PKP1: variants seen among roughly 807,000 people sequenced by gnomAD.
PKP1 encodes plakophilin 1, also known as plakophilin-1.
PKP1 carries 27 observed loss-of-function variants against 76.4 expected under a neutral mutation model. The ratio of observed to expected loss-of-function variants is 0.35; its 90% CI spans 0.26 to 0.49. PKP1 has a LOEUF of 0.49. Among genes scored for constraint, PKP1 ranks in the 20% least tolerant of loss-of-function variants. The pLI, the probability that PKP1 is intolerant of heterozygous loss-of-function variation, is 0.99. For synonymous variants in PKP1, 404 were observed against 384.2 expected (o/e 1.05, Z -0.60); for missense variants, 964 against 955.2 (o/e 1.01, Z -0.12).
Position 201,322,423 on chromosome 1 carries a change from G to A in PKP1, c.1503+290G>A, listed in dbSNP as rs1772833. On this transcript the variant is annotated intron_variant, in intron 8 of 13. Coordinates refer to ENST00000367324, the MANE Select transcript of PKP1 (RefSeq NM_001005337.3). ...AGGCCTTGGTCTTTCTTCCTGTATA[G>A]TGGGTCAAGTCTCCCCCATCTTCTC... Among the ~76,000 whole-genome samples the A allele has an allele frequency of 0.95, 144,195 of 152,240 alleles. 68,756 individuals are homozygous for A. The highest frequency in any genetic ancestry group is 1 in the East Asian group (5,162 of 5,162).
chr1:201,322,198 A>G, intron 8 of PKP1, 65 bp downstream of exon 8: 1 of 1,561,024 alleles, frequency 6.4e-7, no homozygotes, highest in African/African-American at 1.3e-5. Context: ...CCACTGCCTC[A>G]TCTGCCCTTT....
intron 12 of PKP1, 156 bp from the exon 13 acceptor site, chr1:201,328,606 T>C (rs1657218746): frequency 5.6e-6 from 4 of 718,352 alleles, no homozygotes; most frequent in Non-Finnish European, 5.1e-6. Context: ...TGTTACACAG[T>C]TACTGAGGCC....
intron 2 of PKP1, among the ~76,000 whole-genome samples, chr1:201,296,220 G>A (rs1268874643): frequency 2.0e-5 from 3 of 152,196 alleles, no homozygotes; most frequent in Admixed American, 6.5e-5. Flanking sequence ...CAAGTAGGGA[G>A]GAAGTGGAAT....
At position 201,331,050 on chromosome 1, in the gene PKP1, G is replaced by A. The variant is rs1453658341; in HGVS notation, c.*1009G>A. 3 of 152,236 alleles carry A rather than the reference G, an allele frequency of 2.0e-5. No homozygotes were observed. The highest frequency in any genetic ancestry group is 2.0e-4 in the Admixed American group (3 of 15,284). 9.4% of individuals were successfully genotyped at this position (152,236 alleles called of 1,614,324 possible). A position where few individuals can be genotyped will look rare whatever the true frequency, so the allele number is the denominator to read the frequency against. On this transcript the variant is annotated 3_prime_UTR_variant, in exon 14 of 14. Coordinates refer to ENST00000367324, the MANE Select transcript of PKP1 (RefSeq NM_001005337.3). Reference sequence around the variant, plus strand: ...GTCTTCATATTCCCAGTGGAGAGGGGAACAAGTGGGGCTGGGCATATACCT... The same window carrying A: ...GTCTTCATATTCCCAGTGGAGAGGGAAACAAGTGGGGCTGGGCATATACCT...
intron 6 of PKP1, chr1:201,319,997 G>T (rs773403909): frequency 2.8e-5 from 31 of 1,126,516 alleles, no homozygotes; most frequent in Non-Finnish European, 3.4e-5. Flanking sequence ...CCTCATTTCA[G>T]CCTCAGCCAG....
intron 2 of PKP1, among the ~76,000 whole-genome samples, chr1:201,308,827 G>T (rs779152186): frequency 1.3e-5 from 2 of 152,172 alleles, no homozygotes; most frequent in Admixed American, 6.5e-5. Flanking sequence ...AAGGAAGGTG[G>T]AGTGATGGCA....
Position 201,304,140 on chromosome 1 carries a change from A to T in PKP1, c.307-9026A>T, listed in dbSNP as rs531067174. On this transcript the variant is annotated intron_variant, in intron 2 of 13. Transcript: ENST00000367324. The stretch of plus-strand genomic sequence containing the variant: ...TTCATATCTACCTAGGGTCCTAATC[A>T]GCTCTCAGGAGGCCCCACAGTGCTG... Among the ~76,000 whole-genome samples, 5 of 152,274 alleles carry T rather than the reference A, an allele frequency of 3.3e-5. No individual in the cohort carries two copies. In the South Asian group the frequency reaches 1.0e-3, roughly 32 times the overall value.
chr1:201,316,121 T>TGGACGGACGGACGGATGGAC (rs1440675082), intron 3 of PKP1: 2,711 of 136,084 alleles, frequency 0.02, 83 homozygotes, highest in Non-Finnish European at 0.029. Context: ...GATGGACGGA[T>TGGACGGACGGACGGATGGAC]GGACGGACGG....
At chr1:201,309,337 G>C (rs1386342209) in intron 2 of PKP1, among the ~76,000 whole-genome samples, 1 of 151,956 alleles carries the variant, frequency 6.6e-6, no homozygotes, top group East Asian at 1.9e-4. Context: ...CTGGCTGGGG[G>C]GCTCCTAGCT....
chr1:201,297,152 A>C (rs1656102262), intron 2 of PKP1, among the ~76,000 whole-genome samples: 2 of 152,210 alleles, frequency 1.3e-5, no homozygotes, highest in Admixed American at 6.5e-5. Flanking sequence ...ATGTAGAGAG[A>C]CTTTCTTATA....
chr1:201,310,811 G>A (rs370226767), intron 2 of PKP1, among the ~76,000 whole-genome samples: 8 of 152,310 alleles, frequency 5.3e-5, no homozygotes, highest in African/African-American at 1.9e-4. Flanking sequence ...GTGGTAGGCT[G>A]GGAAATGCAG....
chr1:201,300,099 A>G (rs1467407888), intron 2 of PKP1, among the ~76,000 whole-genome samples: 1 of 152,248 alleles, frequency 6.6e-6, no homozygotes, highest in Non-Finnish European at 1.5e-5. Flanking sequence ...GAGTCCTACA[A>G]GGGCCCCAGG....
At chr1:201,320,010 C>A in intron 6 of PKP1, 1 of 998,790 alleles carries the variant, frequency 1.0e-6, no homozygotes, top group Non-Finnish European at 1.6e-6. Context: ...TCAGCCAGGG[C>A]CAGGCGGAAT....
chr1:201,311,203 T>G (rs971193474), intron 2 of PKP1, among the ~76,000 whole-genome samples: 1 of 152,136 alleles, frequency 6.6e-6, no homozygotes, highest in African/African-American at 2.4e-5. Flanking sequence ...GAGAGGAGAA[T>G]GGAGGGTGTG....
intron 8 of PKP1, among the ~76,000 whole-genome samples, chr1:201,322,550 C>T (rs1656978457): frequency 6.6e-6 from 1 of 152,208 alleles, no homozygotes; most frequent in Admixed American, 6.5e-5. Context: ...AAGCAGAAGC[C>T]TACCAGGGAT....
Position 201,283,861 on chromosome 1 carries a change from G to A in PKP1, c.159G>A (p.Lys53=). The change falls in exon 1 of 14, where the codon AAG becomes AAA. Residue 53 remains lysine, a synonymous_variant. Coordinates refer to ENST00000367324, the MANE Select transcript of PKP1 (RefSeq NM_001005337.3). ...TGATGATGACCGTCAAGCGGCAGAA[G>A]TCCAAGTCTTCCCAGTCGTCCACCC... ...EQVMMTVKRQ[K]SKSSQSSTLS... The A allele has an allele frequency of 6.2e-7, 1 of 1,614,180 alleles. No homozygotes were observed. The highest frequency in any genetic ancestry group is 1.1e-5 in the South Asian group (1 of 91,084).
rs1331731559 is a variant in PKP1, at chr1:201,332,370, T to A, written c.*2329T>A. 6.6e-6 allele frequency: 1 copy of A among 152,248 alleles called. No homozygotes were observed. The highest frequency in any genetic ancestry group is 2.4e-5 in the African/African-American group (1 of 41,464). The allele number at this position is 152,248 out of a possible 1,614,324, so 9.4% of individuals were successfully genotyped here. On this transcript the variant is annotated 3_prime_UTR_variant, in exon 14 of 14. Transcript: ENST00000367324. ...AGGGCAGGGCTGACTTTGGTGACACTGCCCATTCCCTCTCAGGCCAGCTCA... is the reference window on the plus strand; with the variant it reads ...AGGGCAGGGCTGACTTTGGTGACACAGCCCATTCCCTCTCAGGCCAGCTCA...
At chr1:201,316,834 A>T (rs1656767209) in intron 4 of PKP1, 137 bp downstream of exon 4, 2 of 903,376 alleles carry the variant, frequency 2.2e-6, no homozygotes, top group Non-Finnish European at 3.5e-6. Flanking sequence ...GAGCCTTCGC[A>T]TTGCCCAAGG....
intron 12 of PKP1, among the ~76,000 whole-genome samples, chr1:201,327,715 C>A (rs1025926388): frequency 2.0e-5 from 3 of 152,062 alleles, no homozygotes; most frequent in African/African-American, 7.2e-5. Flanking sequence ...TCAGTCTCCA[C>A]TCCTCCTTCC....
Sources: gnomAD v4.1 joint callset for allele counts (sites outside exome capture counted in the v4.1 genomes callset) on GRCh38, gnomAD v4.1.1 for gene constraint, MANE v1.5 for transcripts, NCBI Gene and HGNC (gene_info 2026-07-23, HGNC 2026-07-21) for gene names.